Variants in DGKB observed in about 807,000 individuals in gnomAD.
DGKB encodes 90 kDa diacylglycerol kinase.
A neutral mutation model predicts 114.3 loss-of-function variants in DGKB; 67 were observed. The ratio of observed to expected loss-of-function variants is 0.59; its 90% CI spans 0.48 to 0.72. DGKB has a LOEUF of 0.72. Among genes scored for constraint, DGKB ranks in the 30% least tolerant of loss-of-function variants. The pLI is 0.00. For synonymous variants in DGKB, 398 were observed against 323.1 expected, an observed-to-expected ratio of 1.23 and a Z score of -2.49; for missense variants, 907 against 975.2, an observed-to-expected ratio of 0.93 and a Z score of 0.93.
chr7:14,508,382 A>G (rs938178276), intron 20 of DGKB, among the ~76,000 whole-genome samples: 1 of 152,214 alleles, frequency 6.6e-6, no homozygotes, highest in Non-Finnish European at 1.5e-5. Flanking sequence ...GAAGATCTTT[A>G]AAAGGCTCAT....
chr7:14,418,792 T>C (rs926881843), intron 21 of DGKB, among the ~76,000 whole-genome samples: 4 of 151,920 alleles, frequency 2.6e-5, no homozygotes, highest in Non-Finnish European at 5.9e-5. Flanking sequence ...AGGACAATAA[T>C]GGTTATCTTG....
At chr7:14,681,037 C>G (rs1386313181) in intron 12 of DGKB, among the ~76,000 whole-genome samples, 1 of 150,580 alleles carries the variant, frequency 6.6e-6, no homozygotes, top group East Asian at 1.9e-4. Context: ...GAAATATTCA[C>G]TATATGAAAA....
At chr7:14,649,289 C>T (rs903124000) in intron 13 of DGKB, among the ~76,000 whole-genome samples, 2 of 151,464 alleles carry the variant, frequency 1.3e-5, no homozygotes, top group African/African-American at 2.4e-5. Flanking sequence ...AGACTAACAG[C>T]GGATCTCTCG....
intron 1 of DGKB, among the ~76,000 whole-genome samples, chr7:14,872,764 C>G (rs1192239751): frequency 6.6e-6 from 1 of 151,028 alleles, no homozygotes; most frequent in Non-Finnish European, 1.5e-5. Flanking sequence ...GACCTGCTTC[C>G]TAAAATTCTA....
chr7:14,570,632 A>T (rs1798243200), intron 20 of DGKB, among the ~76,000 whole-genome samples: 1 of 152,176 alleles, frequency 6.6e-6, no homozygotes, highest in Non-Finnish European at 1.5e-5. Flanking sequence ...ATTATAAGAA[A>T]GAGAAAATAT....
intron 23 of DGKB, among the ~76,000 whole-genome samples, chr7:14,178,890 ATTACT>A (rs1334193986): frequency 6.6e-6 from 1 of 152,084 alleles, no homozygotes; most frequent in African/African-American, 2.4e-5. Flanking sequence ...ACTAGGACTA[ATTACT>A]TTATATTATC....
At chr7:14,282,889 G>A (rs866095096) in intron 23 of DGKB, among the ~76,000 whole-genome samples, 1,749 of 151,840 alleles carry the variant, frequency 0.012, 28 homozygotes, top group African/African-American at 0.037. Flanking sequence ...ATCTATGACA[G>A]ACCCACAGCC....
intron 2 of DGKB, among the ~76,000 whole-genome samples, chr7:14,760,680 T>A (rs1835554843): frequency 6.6e-6 from 1 of 152,098 alleles, no homozygotes; most frequent in Non-Finnish European, 1.5e-5. Context: ...TTTAACCATA[T>A]CTTAGGCCAA....
At chr7:14,520,415 C>A (rs1180659867) in intron 20 of DGKB, among the ~76,000 whole-genome samples, 1 of 151,522 alleles carries the variant, frequency 6.6e-6, no homozygotes, top group African/African-American at 2.4e-5. Flanking sequence ...AAGGTATAAA[C>A]TTAGGTTACT....
intron 2 of DGKB, among the ~76,000 whole-genome samples, chr7:14,766,926 C>T (rs908468149): frequency 1.3e-5 from 2 of 151,528 alleles, no homozygotes; most frequent in African/African-American, 4.8e-5. Context: ...TTAAGTTTAG[C>T]CAGAAGGAAA....
chr7:14,493,706 C>T (rs935135547), intron 20 of DGKB, among the ~76,000 whole-genome samples: 2 of 151,988 alleles, frequency 1.3e-5, no homozygotes, highest in Non-Finnish European at 1.5e-5. Context: ...GCTACTAGAA[C>T]AGTGTGCAAT....
At chr7:14,584,929 G>C (rs1800515054) in intron 17 of DGKB, among the ~76,000 whole-genome samples, 2 of 152,110 alleles carry the variant, frequency 1.3e-5, no homozygotes, top group South Asian at 4.2e-4. Flanking sequence ...CAAAGTGCTG[G>C]GATTACAGGT....
chr7:14,973,592 C>G (rs1364171836), intron 1 of DGKB, among the ~76,000 whole-genome samples: 1 of 147,386 alleles, frequency 6.8e-6, no homozygotes, highest in African/African-American at 2.5e-5. Context: ...AACAACACAC[C>G]CTTCACCAAA....
At chr7:14,542,894 G>A (rs1793693989) in intron 20 of DGKB, among the ~76,000 whole-genome samples, 1 of 152,150 alleles carries the variant, frequency 6.6e-6, no homozygotes, top group Admixed American at 6.5e-5. Flanking sequence ...CCCAGGGAGT[G>A]TTGCTTCAGC....
chr7:14,856,553 T>C (rs985049179), intron 1 of DGKB, among the ~76,000 whole-genome samples: 2 of 152,176 alleles, frequency 1.3e-5, no homozygotes, highest in Non-Finnish European at 2.9e-5. Flanking sequence ...AGATGGCCTT[T>C]TAATGCAACT....
intron 19 of DGKB, among the ~76,000 whole-genome samples, chr7:14,577,596 C>T (rs916667868): frequency 3.3e-5 from 5 of 150,822 alleles, no homozygotes; most frequent in Admixed American, 1.3e-4. Flanking sequence ...CAGCCTGGGC[C>T]AAAGAGTGAG....
At chr7:14,368,655 C>G (rs897376598) in intron 21 of DGKB, among the ~76,000 whole-genome samples, 5 of 151,408 alleles carry the variant, frequency 3.3e-5, no homozygotes, top group Non-Finnish European at 7.4e-5. Context: ...AGAGGTAACA[C>G]AGAAAACACT....
At chr7:14,886,810 C>T (rs993976619) in intron 1 of DGKB, among the ~76,000 whole-genome samples, 2 of 151,802 alleles carry the variant, frequency 1.3e-5, no homozygotes, top group Admixed American at 6.6e-5. Flanking sequence ...CCTCACCTCC[C>T]TTAAATCCTC....
chr7:14,659,339 C>T (rs1399362070), intron 13 of DGKB, among the ~76,000 whole-genome samples: 8 of 151,976 alleles, frequency 5.3e-5, no homozygotes, highest in African/African-American at 1.2e-4. Context: ...GCAATTTTCA[C>T]GATATTGATT....
Sources: gnomAD v4.1 joint callset for allele counts (sites outside exome capture counted in the v4.1 genomes callset) on GRCh38, gnomAD v4.1.1 for gene constraint, MANE v1.5 for transcripts, NCBI Gene and HGNC (gene_info 2026-07-23, HGNC 2026-07-21) for gene names.